MYO1E: variants seen among roughly 807,000 people sequenced by gnomAD.
The protein encoded by MYO1E is unconventional myosin-Ie.
MYO1E carries 68 observed loss-of-function variants against 151.1 expected under a neutral mutation model. That is an observed-to-expected ratio of 0.45 (90% CI 0.37 to 0.55). The LOEUF is 0.55. Ranked by LOEUF, MYO1E falls within the 20% of genes least tolerant of loss-of-function variation. MYO1E has a pLI of 0.00. For synonymous variants in MYO1E, 601 were observed against 501.7 expected (o/e 1.20, Z -2.64); for missense variants, 1,363 against 1,389.3 (o/e 0.98, Z 0.30).
rs758856953 is a variant in MYO1E, at chr15:59,202,423, G to C, written c.1617-16C>G. On this transcript the variant is annotated splice_polypyrimidine_tract_variant and intron_variant, in intron 15 of 27. Transcript: ENST00000288235. Reference sequence around the variant, plus strand: ...TATGAAAGGCCTGGAAAAGGAGAAAGAGAATGAATTAACAATCTGTAAGTA... The same window carrying C: ...TATGAAAGGCCTGGAAAAGGAGAAACAGAATGAATTAACAATCTGTAAGTA... 8.1e-6 allele frequency: 13 copies of C among 1,607,026 alleles called. No homozygotes were observed. Among genetic ancestry groups the C allele is most frequent in the African/African-American group, 1.4e-5 (1 of 72,480 alleles).
intron 2 of MYO1E, among the ~76,000 whole-genome samples, chr15:59,264,363 A>T (rs781676820): frequency 1.5e-4 from 23 of 152,230 alleles, no homozygotes; most frequent in Non-Finnish European, 2.5e-4. Context: ...CATACTCTTA[A>T]TCAAAAGCTA....
Position 59,350,223 on chromosome 15 carries a change from C to T in MYO1E, c.3+22275G>A, listed in dbSNP as rs2080816271. Among the ~76,000 whole-genome samples, 1 of 152,236 alleles carries T rather than the reference C, an allele frequency of 6.6e-6. No homozygotes were observed. Among genetic ancestry groups the T allele is most frequent in the Admixed American group, 6.5e-5 (1 of 15,286 alleles). On this transcript the variant is annotated intron_variant, in intron 1 of 27. Transcript: ENST00000288235. This position sits in a 1 kb window ranked among gnomAD's most constrained non-coding sequence, Gnocchi z 5.0. ...GAAACAATGTGGGGAGGAGGGCCTC[C>T]TTCCCTGATCACCAGGCAGGCTCCT...
At chr15:59,145,930 T>G (rs1470583127) in intron 26 of MYO1E, among the ~76,000 whole-genome samples, 2 of 152,226 alleles carry the variant, frequency 1.3e-5, no homozygotes, top group African/African-American at 2.4e-5. Flanking sequence ...ACTACCATCC[T>G]ACCATCCTAC....
intron 1 of MYO1E, among the ~76,000 whole-genome samples, chr15:59,368,808 G>C (rs1247584048): frequency 6.6e-6 from 1 of 152,032 alleles, no homozygotes; most frequent in East Asian, 1.9e-4. Flanking sequence ...TGGTGGAGGT[G>C]ACTTTCAACT....
intron 1 of MYO1E, among the ~76,000 whole-genome samples, chr15:59,336,315 A>T (rs2080728019): frequency 1.3e-5 from 2 of 151,912 alleles, no homozygotes; most frequent in African/African-American, 4.8e-5. Flanking sequence ...GGTTGCAGTG[A>T]GCCGAGATCA....
At chr15:59,245,939 G>T (rs545320177) in intron 4 of MYO1E, among the ~76,000 whole-genome samples, 1 of 152,242 alleles carries the variant, frequency 6.6e-6, no homozygotes, top group Non-Finnish European at 1.5e-5. Flanking sequence ...TTGCAGAGAT[G>T]TCTCTTGACA....
chr15:59,277,212 A>G (rs976641408), intron 1 of MYO1E, among the ~76,000 whole-genome samples: 5 of 152,162 alleles, frequency 3.3e-5, no homozygotes, highest in Middle Eastern at 3.2e-3. Context: ...TTGAAATTTT[A>G]GACACACAGA....
At chr15:59,222,965 T>C in intron 9 of MYO1E, 94 bp downstream of exon 9, 1 of 1,561,216 alleles carries the variant, frequency 6.4e-7, no homozygotes. Context: ...TTCCCAATAT[T>C]CCCATTTGAG....
At chr15:59,232,077 T>C (rs182423827) in intron 5 of MYO1E, among the ~76,000 whole-genome samples, 10 of 152,290 alleles carry the variant, frequency 6.6e-5, no homozygotes, top group East Asian at 5.8e-4. Context: ...AGTGTCCAAA[T>C]TGATTGCTGC....
chr15:59,371,974 G>A (rs1308867282), intron 1 of MYO1E, among the ~76,000 whole-genome samples: 1 of 149,690 alleles, frequency 6.7e-6, no homozygotes, highest in African/African-American at 2.4e-5. Context: ...CCCCGCCCGC[G>A]TGCCGCTGCC....
chr15:59,278,774 C>T (rs1207780694), intron 1 of MYO1E, among the ~76,000 whole-genome samples: 1 of 152,206 alleles, frequency 6.6e-6, no homozygotes, highest in Non-Finnish European at 1.5e-5. Context: ...CAACCCCTTA[C>T]ACTCCTAGAT....
intron 1 of MYO1E, among the ~76,000 whole-genome samples, chr15:59,316,758 A>T (rs1257967884): frequency 6.6e-6 from 1 of 152,214 alleles, no homozygotes; most frequent in Non-Finnish European, 1.5e-5. Context: ...GGTCTACAGG[A>T]TCCGTTAGCA....
At chr15:59,322,197 AG>A in intron 1 of MYO1E, among the ~76,000 whole-genome samples, 1 of 150,032 alleles carries the variant, frequency 6.7e-6, no homozygotes, top group Non-Finnish European at 1.5e-5. Flanking sequence ...AAAAAAAAAT[AG>A]AAAGAAAAGA....
chr15:59,323,399 A>G (rs1488720061), intron 1 of MYO1E, among the ~76,000 whole-genome samples: 2 of 151,916 alleles, frequency 1.3e-5, no homozygotes, highest in African/African-American at 4.8e-5. Context: ...CACACCTGTA[A>G]TCCTAGCACT....
chr15:59,249,690 C>G (rs1426958852), intron 4 of MYO1E, among the ~76,000 whole-genome samples: 1 of 152,166 alleles, frequency 6.6e-6, no homozygotes, highest in Admixed American at 6.5e-5. Flanking sequence ...TTAAATGACA[C>G]TAAAGATTCC....
Position 59,158,370 on chromosome 15 carries a change from C to T in MYO1E, c.2795G>A (p.Arg932Lys). 1 of 1,559,892 alleles carries T rather than the reference C, an allele frequency of 6.4e-7. No homozygotes were observed. The highest frequency in any genetic ancestry group is 8.7e-7 in the Non-Finnish European group (1 of 1,150,166). The change falls in exon 25 of 28, where the codon AGA (arginine) becomes AAA (lysine). Residue 932 changes from arginine to lysine, a missense_variant. Arg to Lys is a conservative substitution (Grantham distance 26, BLOSUM62 2). Transcript: ENST00000288235. The stretch of plus-strand genomic sequence containing the variant: ...ACCTGTATTTTGGGTAGTGTTCCTT[C>T]TGGTAGGACCTGAAATAAACAAGAC... ...PGLPKNSRPT[R>K]RNTTQNTGYS... is the part of the protein sequence containing the mutation.
intron 4 of MYO1E, among the ~76,000 whole-genome samples, chr15:59,254,631 ATTCT>A (rs1175772548): frequency 1.3e-5 from 2 of 152,174 alleles, no homozygotes; most frequent in Non-Finnish European, 2.9e-5. Context: ...ACATTCTACT[ATTCT>A]TTCTCATTTT....
At chr15:59,311,786 C>T (rs2080553904) in intron 1 of MYO1E, among the ~76,000 whole-genome samples, 1 of 152,096 alleles carries the variant, frequency 6.6e-6, no homozygotes, top group African/African-American at 2.4e-5. Context: ...AGGACTCTGC[C>T]CTCATAAATA....
chr15:59,149,941 A>G (rs2079466491), intron 26 of MYO1E, among the ~76,000 whole-genome samples: 1 of 152,242 alleles, frequency 6.6e-6, no homozygotes, highest in South Asian at 2.1e-4. Context: ...AATAAATGCA[A>G]TTCATGTTTT....
Sources: allele counts gnomAD v4.1 joint callset (sites outside exome capture counted in the v4.1 genomes callset), GRCh38; gene constraint gnomAD v4.1.1; non-coding constraint Gnocchi (gnomAD v3.1); transcripts MANE v1.5; gene names NCBI Gene and HGNC (gene_info 2026-07-23, HGNC 2026-07-21).